BFSP1: variants seen among roughly 807,000 people sequenced by gnomAD.
BFSP1 encodes the protein filensin.
In BFSP1, 38 loss-of-function variants were observed where a neutral mutation model predicts 43.9. The observed-to-expected ratio is 0.87, with a 90% CI of 0.67 to 1.14. The LOEUF is 1.14. Among genes scored for constraint, BFSP1 ranks in the 50% most tolerant of loss-of-function variants. The probability of loss-of-function intolerance (pLI) is 0.00; values close to 1 mark genes in which losing one functional copy is unlikely to be tolerated. For missense variants in BFSP1, 850 were observed against 875.1 expected (o/e 0.97, Z 0.36); for synonymous variants, 352 against 354.8 (o/e 0.99, Z 0.09).
upstream of BFSP1, among the ~76,000 whole-genome samples, chr20:17,533,238 T>G (rs186505308): frequency 2.8e-3 from 427 of 152,284 alleles, 7 homozygotes; most frequent in Non-Finnish European, 8.1e-4. Flanking sequence ...TGTAATTGTA[T>G]GGTCAAATTG....
intron 1 of BFSP1, among the ~76,000 whole-genome samples, chr20:17,527,137 C>T (rs939710447): frequency 2.6e-5 from 4 of 152,178 alleles, no homozygotes; most frequent in East Asian, 1.9e-4. Flanking sequence ...AAACCATCTG[C>T]GAAGCTGAGT....
chr20:17,565,083 CT>C (rs1055678701), intron 1 of BFSP1, among the ~76,000 whole-genome samples: 1 of 152,136 alleles, frequency 6.6e-6, no homozygotes, highest in Non-Finnish European at 1.5e-5. Flanking sequence ...ACCATCACCC[CT>C]GAAAGCTCTG....
intron 1 of BFSP1, among the ~76,000 whole-genome samples, chr20:17,564,126 C>T (rs763190022): frequency 1.3e-5 from 2 of 151,716 alleles, no homozygotes; most frequent in African/African-American, 2.4e-5. Context: ...TGAGTCCAAG[C>T]GTTCCAGACC....
At chr20:17,558,419 C>G (rs1352119570) in intron 1 of BFSP1, among the ~76,000 whole-genome samples, 2 of 152,164 alleles carry the variant, frequency 1.3e-5, no homozygotes, top group Non-Finnish European at 2.9e-5. Flanking sequence ...TCTTTTTTCT[C>G]TGAAAGCTTT....
intron 1 of BFSP1, among the ~76,000 whole-genome samples, chr20:17,541,625 A>G (rs931058268): frequency 2.6e-5 from 4 of 152,232 alleles, no homozygotes; most frequent in Non-Finnish European, 5.9e-5. Context: ...CTATTTTAAG[A>G]AGATGAACAA....
At chr20:17,566,240 T>A (rs537230473) in intron 1 of BFSP1, among the ~76,000 whole-genome samples, 1 of 151,952 alleles carries the variant, frequency 6.6e-6, no homozygotes, top group African/African-American at 2.4e-5. Context: ...GACAGTGTTA[T>A]GTCTCCCAGC....
chr20:17,565,110 G>A (rs1465281247), intron 1 of BFSP1, among the ~76,000 whole-genome samples: 2 of 152,050 alleles, frequency 1.3e-5, no homozygotes, highest in South Asian at 2.1e-4. Flanking sequence ...CCCCTCTGCA[G>A]TCAATCTCCA....
intron 6 of BFSP1, among the ~76,000 whole-genome samples, chr20:17,497,969 G>A (rs1420139403): frequency 6.6e-6 from 1 of 152,092 alleles, no homozygotes; most frequent in African/African-American, 2.4e-5. Context: ...TGTTCACTGT[G>A]ACATAAATAT....
intron 4 of BFSP1, among the ~76,000 whole-genome samples, chr20:17,510,522 T>A (rs534583751): frequency 1.3e-5 from 2 of 152,334 alleles, no homozygotes; most frequent in South Asian, 4.1e-4. Flanking sequence ...TGGTGGGCAA[T>A]TCAGACAAGA....
At chr20:17,519,420 G>A (rs944006615) in intron 2 of BFSP1, among the ~76,000 whole-genome samples, 2 of 152,216 alleles carry the variant, frequency 1.3e-5, no homozygotes, top group Non-Finnish European at 2.9e-5. Context: ...CAACATGAGG[G>A]CTCTGCCAAA....
chr20:17,523,058 C>G (rs924681414), intron 2 of BFSP1, among the ~76,000 whole-genome samples: 3 of 152,218 alleles, frequency 2.0e-5, no homozygotes, highest in African/African-American at 7.2e-5. Context: ...AATATTCTTA[C>G]AGGGCTGATA....
chr20:17,522,725 AC>A (rs1298499162), intron 2 of BFSP1, among the ~76,000 whole-genome samples: 1 of 152,222 alleles, frequency 6.6e-6, no homozygotes, highest in Non-Finnish European at 1.5e-5. Context: ...ATTCAGCACC[AC>A]CAGGTGATGG....
chr20:17,497,479 T>G (rs1281553551), intron 6 of BFSP1, among the ~76,000 whole-genome samples: 1 of 97,026 alleles, frequency 1.0e-5, no homozygotes, highest in African/African-American at 4.0e-5. Context: ...CACGTATATA[T>G]ACGTGTGTAT....
At chr20:17,554,690 C>A (rs2034960931) in intron 1 of BFSP1, among the ~76,000 whole-genome samples, 1 of 152,172 alleles carries the variant, frequency 6.6e-6, no homozygotes, top group South Asian at 2.1e-4. Context: ...AAGTCAGGAA[C>A]AAGATAAGGA....
chr20:17,554,003 G>C (rs1234139639), intron 1 of BFSP1, among the ~76,000 whole-genome samples: 1 of 150,000 alleles, frequency 6.7e-6, no homozygotes, highest in Non-Finnish European at 1.5e-5. Flanking sequence ...TTAGCATTAG[G>C]GAATAGAAAC....
chr20:17,541,818 CCA>C (rs2034723205), intron 1 of BFSP1, among the ~76,000 whole-genome samples: 1 of 152,188 alleles, frequency 6.6e-6, no homozygotes, highest in Non-Finnish European at 1.5e-5. Flanking sequence ...TAAACCAGAG[CCA>C]CAGAGCTGTG....
intron 1 of BFSP1, among the ~76,000 whole-genome samples, chr20:17,548,185 A>G (rs1310714046): frequency 2.7e-5 from 2 of 74,890 alleles, no homozygotes; most frequent in African/African-American, 9.8e-5. Context: ...TAATGCAAAA[A>G]AAAAAAAAAA....
At chr20:17,496,895 T>G (rs2033644122) in intron 7 of BFSP1, 43 bp downstream of exon 7, 1 of 1,463,506 alleles carries the variant, frequency 6.8e-7, no homozygotes. Context: ...TTGGTTTTTT[T>G]CAAGACAGAA....
At chr20:17,551,109 C>A (rs1302493453) in intron 1 of BFSP1, among the ~76,000 whole-genome samples, 19 of 152,140 alleles carry the variant, frequency 1.2e-4, no homozygotes, top group Admixed American at 1.2e-3. Context: ...TGGCTTAGTG[C>A]CTGTATTAGG....
Sources: gnomAD v4.1 joint callset for allele counts (sites outside exome capture counted in the v4.1 genomes callset) on GRCh38, gnomAD v4.1.1 for gene constraint, MANE v1.5 for transcripts, NCBI Gene and HGNC (gene_info 2026-07-23, HGNC 2026-07-21) for gene names.